Variants in TNRC6B observed in about 807,000 individuals in gnomAD.
TNRC6B encodes trinucleotide repeat-containing gene 6B protein.
Under a neutral mutation model 203.6 loss-of-function variants are expected in TNRC6B, and 52 were observed. That is an observed-to-expected ratio of 0.26 (90% CI 0.20 to 0.32). The LOEUF is 0.32. TNRC6B is among the 10% of genes least tolerant of loss of function. The pLI, the probability that TNRC6B is intolerant of heterozygous loss-of-function variation, is 1.00. For synonymous variants in TNRC6B, 838 were observed against 845.7 expected, an observed-to-expected ratio of 0.99 and a Z score of 0.16; for missense variants, 1,923 against 2,286.2, an observed-to-expected ratio of 0.84 and a Z score of 3.24.
At chr22:40,234,030 A>T (rs1334769577) in intron 1 of TNRC6B, among the ~76,000 whole-genome samples, 1 of 152,206 alleles carries the variant, frequency 6.6e-6, no homozygotes, top group Non-Finnish European at 1.5e-5. Context: ...TCACACCTGT[A>T]ATCCCAACAG....
At chr22:40,181,613 A>C (rs1360214987) in intron 1 of TNRC6B, among the ~76,000 whole-genome samples, 2 of 152,196 alleles carry the variant, frequency 1.3e-5, no homozygotes, top group Non-Finnish European at 2.9e-5. Context: ...GTATCTGAGT[A>C]TCTGCATTAG....
At chr22:40,307,041 C>G (rs2071095461) in intron 15 of TNRC6B, among the ~76,000 whole-genome samples, 1 of 131,010 alleles carries the variant, frequency 7.6e-6, no homozygotes, top group African/African-American at 2.8e-5. Context: ...ATTTCTGCTC[C>G]CCACCCCCAC....
Position 40,265,771 on chromosome 22 carries a change from C to A in TNRC6B, c.1541C>A (p.Pro514Gln). The A allele has an allele frequency of 1.2e-6, 2 of 1,613,898 alleles. No individual in the cohort carries two copies. Among genetic ancestry groups the A allele is most frequent in the Non-Finnish European group, 1.7e-6 (2 of 1,179,870 alleles). The change falls in exon 5 of 23, where the codon CCG becomes CAG. Residue 514 changes from proline to glutamine, a missense_variant. By Grantham distance (76) the Pro-to-Gln change is moderately conservative. Around this residue, in one of 8 missense-constraint regions of TNRC6B, gnomAD observed 614 missense variants for 587.7 expected, o/e 1.04. Transcript: ENST00000454349. ...GTCTCTCAGGGAGAATGGAAACAGC[C>A]GACTGGGTCTGATGAGTTGAAAATT... ...SGVSQGEWKQ[P>Q]TGSDELKIGE...
chr22:40,211,541 T>C (rs1294371328), intron 1 of TNRC6B, among the ~76,000 whole-genome samples: 1 of 152,184 alleles, frequency 6.6e-6, no homozygotes, highest in African/African-American at 2.4e-5. Context: ...TTACTGTGGC[T>C]CTCTGGGTTG....
At chr22:40,157,070 C>T (rs1241696114) in intron 4 of TNRC6B, among the ~76,000 whole-genome samples, 3 of 152,026 alleles carry the variant, frequency 2.0e-5, no homozygotes, top group Non-Finnish European at 2.9e-5. Flanking sequence ...GCATCGTGCC[C>T]AGCCAGGGGT....
intron 3 of TNRC6B, among the ~76,000 whole-genome samples, chr22:40,259,595 C>A (rs1395757884): frequency 1.3e-5 from 2 of 152,194 alleles, no homozygotes; most frequent in Non-Finnish European, 2.9e-5. Flanking sequence ...TCCACTCCCC[C>A]TCCCCTTACT....
chr22:40,263,496 G>A (rs2070419988), intron 4 of TNRC6B, among the ~76,000 whole-genome samples: 1 of 152,220 alleles, frequency 6.6e-6, no homozygotes, highest in African/African-American at 2.4e-5. Context: ...GGTCCAGTGT[G>A]AGTCAGAGTC....
At chr22:40,247,312 CTG>C (rs932584988) in intron 2 of TNRC6B, among the ~76,000 whole-genome samples, 5 of 152,130 alleles carry the variant, frequency 3.3e-5, no homozygotes, top group African/African-American at 9.7e-5. Context: ...GAGAAAGAAA[CTG>C]TGATAAGGTT....
chr22:40,081,166 A>G (rs1317473277), intron 1 of TNRC6B, among the ~76,000 whole-genome samples: 1 of 152,190 alleles, frequency 6.6e-6, no homozygotes. Context: ...CAGCCCATGC[A>G]TAACTTTCTC....
intron 1 of TNRC6B, among the ~76,000 whole-genome samples, chr22:40,197,302 CAG>C (rs992979893): frequency 2.6e-5 from 4 of 151,634 alleles, no homozygotes; most frequent in South Asian, 2.1e-4. Flanking sequence ...TTTTTTGAGA[CAG>C]AGTCTCACAC....
chr22:40,282,605 T>G (rs968844481), intron 11 of TNRC6B, among the ~76,000 whole-genome samples: 8 of 152,170 alleles, frequency 5.3e-5, no homozygotes, highest in African/African-American at 1.4e-4. Context: ...GTACATAAAT[T>G]AGTATAGTAG....
intron 1 of TNRC6B, among the ~76,000 whole-genome samples, chr22:40,092,836 G>A (rs565279786): frequency 4.6e-5 from 7 of 152,324 alleles, no homozygotes; most frequent in African/African-American, 1.4e-4. Flanking sequence ...TACTGTAAGT[G>A]TAATGTAAAT....
intron 4 of TNRC6B, among the ~76,000 whole-genome samples, chr22:40,169,130 CT>C (rs135632): frequency 0.32 from 34,782 of 109,506 alleles, 4,464 homozygotes; most frequent in East Asian, 0.46. Flanking sequence ...TTGGAATCTT[CT>C]TTTTTTTTTT....
At chr22:40,253,737 T>C in intron 3 of TNRC6B, 1 of 456,062 alleles carries the variant, frequency 2.2e-6, no homozygotes, top group South Asian at 1.5e-5. Flanking sequence ...AGGGAGGGCC[T>C]GACCTTTCTA....
intron 1 of TNRC6B, among the ~76,000 whole-genome samples, chr22:40,100,867 A>T (rs1039089692): frequency 5.3e-5 from 8 of 152,106 alleles, no homozygotes; most frequent in African/African-American, 1.9e-4. Flanking sequence ...TAACACCTAG[A>T]GATAGGTTTG....
chr22:40,210,353 CA>C (rs1458947042), intron 1 of TNRC6B, among the ~76,000 whole-genome samples: 2 of 152,216 alleles, frequency 1.3e-5, no homozygotes, highest in African/African-American at 2.4e-5. Flanking sequence ...ATCCTAACAC[CA>C]GGCATTGGCC....
chr22:40,214,596 G>C (rs6001843), intron 1 of TNRC6B, among the ~76,000 whole-genome samples: 102,542 of 151,354 alleles, frequency 0.68, 36,532 homozygotes, highest in African/African-American at 0.9. Flanking sequence ...GTTTTGCTCT[G>C]TTGCCCAGGC....
chr22:40,047,285 T>G (rs904460064), intron 1 of TNRC6B, among the ~76,000 whole-genome samples: 2 of 152,024 alleles, frequency 1.3e-5, no homozygotes, highest in Non-Finnish European at 2.9e-5. Context: ...CACTGATGAT[T>G]AGGTTGCCCA....
intron 3 of TNRC6B, among the ~76,000 whole-genome samples, chr22:40,127,447 G>A (rs942530466): frequency 6.6e-6 from 1 of 151,888 alleles, no homozygotes; most frequent in Non-Finnish European, 1.5e-5. Context: ...GTACACACAC[G>A]ATCTAGGAAT....
Sources: allele counts gnomAD v4.1 joint callset (sites outside exome capture counted in the v4.1 genomes callset), GRCh38; gene constraint gnomAD v4.1.1; regional missense constraint gnomAD v4.1.1; transcripts MANE v1.5; gene names NCBI Gene and HGNC (gene_info 2026-07-23, HGNC 2026-07-21).